GCNT2: variants seen among roughly 807,000 people sequenced by gnomAD.
The protein encoded by GCNT2 is glucosaminyl (N-acetyl) transferase 2 (I blood group).
GCNT2 carries 34 observed loss-of-function variants against 34.2 expected under a neutral mutation model. That is an observed-to-expected ratio of 1.00 (90% confidence interval 0.76 to 1.32). GCNT2 has a LOEUF of 1.32. GCNT2 is among the 40% of genes most tolerant of loss of function. The pLI is 0.00. For missense variants in GCNT2, 584 were observed against 489.4 expected (o/e 1.19, Z -1.82); for synonymous variants, 212 against 188.0 (o/e 1.13, Z -1.04).
intron 3 of GCNT2, among the ~76,000 whole-genome samples, chr6:10,540,442 A>T (rs1039255920): frequency 3.3e-5 from 5 of 151,746 alleles, no homozygotes; most frequent in African/African-American, 7.3e-5. Flanking sequence ...CTCCTGCAGA[A>T]GCAGCTCCCC....
At chr6:10,585,706 G>A (rs988841597) in intron 3 of GCNT2, 2 of 1,207,476 alleles carry the variant, frequency 1.7e-6, no homozygotes, top group East Asian at 3.2e-5. Context: ...AGGCTGGACT[G>A]GGCTGGGCTT....
intron 3 of GCNT2, among the ~76,000 whole-genome samples, chr6:10,572,476 C>A (rs542966412): frequency 6.6e-6 from 1 of 152,242 alleles, no homozygotes; most frequent in African/African-American, 2.4e-5. Context: ...GTAATCCCAG[C>A]ACTTTGGGAG....
intron 3 of GCNT2, among the ~76,000 whole-genome samples, chr6:10,542,577 C>T (rs1762083549): frequency 6.6e-6 from 1 of 152,198 alleles, no homozygotes; most frequent in Admixed American, 6.5e-5. Context: ...CTTTTCTGGA[C>T]ATTTCATATT....
chr6:10,574,844 T>G (rs1210377143), intron 3 of GCNT2: 6 of 677,134 alleles, frequency 8.9e-6, no homozygotes, highest in Non-Finnish European at 1.7e-5. Context: ...GGCTGGCGCT[T>G]CAGTTGAACC....
intron 3 of GCNT2, among the ~76,000 whole-genome samples, chr6:10,533,049 G>A (rs1014472044): frequency 6.6e-6 from 1 of 151,264 alleles, no homozygotes; most frequent in Non-Finnish European, 1.5e-5. Context: ...GCTCACGCCT[G>A]TAATCCCAGC....
intron 3 of GCNT2, chr6:10,574,603 G>T: frequency 5.7e-6 from 1 of 176,988 alleles, no homozygotes; most frequent in Non-Finnish European, 1.2e-5. Flanking sequence ...GGGGGAGCAT[G>T]ATTATAATCT....
At chr6:10,603,902 GTTTGTTTGT>G in intron 3 of GCNT2, among the ~76,000 whole-genome samples, 1 of 132,100 alleles carries the variant, frequency 7.6e-6, no homozygotes, top group Non-Finnish European at 1.6e-5. Flanking sequence ...TTGTTTGTTT[GTTTGTTTGT>G]TTTGAGATGG....
chr6:10,536,456 G>A (rs982446009), intron 3 of GCNT2, among the ~76,000 whole-genome samples: 3 of 151,318 alleles, frequency 2.0e-5, no homozygotes, highest in Admixed American at 6.6e-5. Context: ...CCGGGTTCAC[G>A]CCATTCTCCT....
At chr6:10,542,521 C>A (rs115915197) in intron 3 of GCNT2, among the ~76,000 whole-genome samples, 27 of 152,184 alleles carry the variant, frequency 1.8e-4, no homozygotes, top group African/African-American at 6.5e-4. Flanking sequence ...ATGACCACTT[C>A]CCATTTCCAC....
intron 3 of GCNT2, among the ~76,000 whole-genome samples, chr6:10,560,751 T>C (rs540995075): frequency 1.3e-5 from 2 of 152,150 alleles, no homozygotes; most frequent in Non-Finnish European, 2.9e-5. Flanking sequence ...TTTTTTTTTC[T>C]TGGTGCCTTT....
rs1205685394 is a variant in GCNT2, at chr6:10,563,772, AAAAAAAT to A, written c.925+33938_925+33944del. Among the ~76,000 whole-genome samples, 119 of 59,102 alleles carry A rather than the reference AAAAAAAT, an allele frequency of 2.0e-3. 1 individual carries two copies. Among genetic ancestry groups the A allele is most frequent in the African/African-American group, 4.3e-3 (55 of 12,904 alleles). 38.8% of individuals were successfully genotyped at this position (59,102 alleles called of 152,430 possible). A position where few individuals can be genotyped will look rare whatever the true frequency, so the allele number is the denominator to read the frequency against. On this transcript the variant is annotated intron_variant, in intron 3 of 4. Transcript: ENST00000495262. Reference sequence around the variant, plus strand: ...AAGAAAAAAGAAAAAAAAAAAAAAAAAAAAAATATATATATATATATATATATATATA... The same window carrying A: ...AAGAAAAAAGAAAAAAAAAAAAAAAAATATATATATATATATATATATATA...
At chr6:10,622,458 G>A (rs914586211) in intron 4 of GCNT2, among the ~76,000 whole-genome samples, 2 of 151,584 alleles carry the variant, frequency 1.3e-5, no homozygotes, top group African/African-American at 2.4e-5. Flanking sequence ...TGTCCTAATC[G>A]CCTCTTCTTC....
At chr6:10,542,943 T>C (rs1411285656) in intron 3 of GCNT2, among the ~76,000 whole-genome samples, 1 of 148,600 alleles carries the variant, frequency 6.7e-6, no homozygotes, top group African/African-American at 2.5e-5. Flanking sequence ...GTTTCACTCT[T>C]GTTGCCCAGG....
intron 3 of GCNT2, among the ~76,000 whole-genome samples, chr6:10,568,180 C>T (rs1198795215): frequency 6.6e-6 from 1 of 152,150 alleles, no homozygotes; most frequent in Non-Finnish European, 1.5e-5. Context: ...ATTCACTTCC[C>T]TGTAGTGAGC....
At chr6:10,569,245 A>ACACACACACACACC (rs1561806858) in intron 3 of GCNT2, among the ~76,000 whole-genome samples, 1 of 143,128 alleles carries the variant, frequency 7.0e-6, no homozygotes, top group African/African-American at 2.7e-5. Flanking sequence ...CCACACACAC[A>ACACACACACACACC]CACACACACA....
chr6:10,558,823 A>G (rs1303789838), intron 3 of GCNT2, among the ~76,000 whole-genome samples: 1 of 152,202 alleles, frequency 6.6e-6, no homozygotes, highest in Non-Finnish European at 1.5e-5. Flanking sequence ...TATGCTGCGC[A>G]CACTGTTTCC....
At chr6:10,542,389 T>A (rs1762074109) in intron 3 of GCNT2, among the ~76,000 whole-genome samples, 1 of 149,180 alleles carries the variant, frequency 6.7e-6, no homozygotes, top group Non-Finnish European at 1.5e-5. Flanking sequence ...GACATATAAT[T>A]TACATACCAT....
intron 3 of GCNT2, among the ~76,000 whole-genome samples, chr6:10,537,193 A>G (rs926615328): frequency 2.0e-5 from 3 of 152,332 alleles, no homozygotes; most frequent in African/African-American, 7.2e-5. Flanking sequence ...GAAGAAAGGA[A>G]GAGTTTAATC....
At chr6:10,544,142 C>T (rs1429647527) in intron 3 of GCNT2, among the ~76,000 whole-genome samples, 8 of 152,030 alleles carry the variant, frequency 5.3e-5, no homozygotes, top group African/African-American at 7.2e-5. Flanking sequence ...GGCGAAACCC[C>T]GTCTCTAGTA....
Sources: gnomAD v4.1 joint callset for allele counts (sites outside exome capture counted in the v4.1 genomes callset) on GRCh38, gnomAD v4.1.1 for gene constraint, MANE v1.5 for transcripts, NCBI Gene and HGNC (gene_info 2026-07-23, HGNC 2026-07-21) for gene names.